SLC23A2: variants seen among roughly 807,000 people sequenced by gnomAD.
SLC23A2 encodes the protein Na(+)/L-ascorbic acid transporter 2.
In SLC23A2, 36 loss-of-function variants were observed where a neutral mutation model predicts 73.3. The observed-to-expected ratio is 0.49, with a 90% CI of 0.38 to 0.65. The LOEUF (loss-of-function observed/expected upper bound fraction) is 0.65, where lower values mean the gene tolerates loss of function less well. SLC23A2 is among the 30% of genes least tolerant of loss of function. The probability of loss-of-function intolerance (pLI) is 0.00; values close to 1 mark genes in which losing one functional copy is unlikely to be tolerated. For missense variants in SLC23A2, 507 were observed against 841.6 expected, an observed-to-expected ratio of 0.60 and a Z score of 4.92; for synonymous variants, 343 against 327.3, an observed-to-expected ratio of 1.05 and a Z score of -0.52.
rs1327371207 is a variant in SLC23A2, at chr20:4,998,391, G to A, written c.-282+3015C>T. On this transcript the variant is annotated intron_variant, in intron 1 of 16. Coordinates refer to ENST00000338244, the MANE Select transcript of SLC23A2 (RefSeq NM_005116.6). This position sits in a 1 kb window ranked among gnomAD's most constrained non-coding sequence, Gnocchi z 4.1. ...AAGCTGAAAGCAGACCTCAATTACAGGAGAGCCAAGAACCTAGAACCTGTG... is the reference window on the plus strand; with the variant it reads ...AAGCTGAAAGCAGACCTCAATTACAAGAGAGCCAAGAACCTAGAACCTGTG... Among the ~76,000 whole-genome samples the A allele has an allele frequency of 6.6e-6, 1 of 152,160 alleles. No individual in the cohort carries two copies. Among genetic ancestry groups the A allele is most frequent in the Non-Finnish European group, 1.5e-5 (1 of 68,030 alleles).
chr20:4,895,749 T>G (rs1171418483), intron 6 of SLC23A2, among the ~76,000 whole-genome samples: 1 of 152,162 alleles, frequency 6.6e-6, no homozygotes, highest in Non-Finnish European at 1.5e-5. Context: ...GACTTTCACT[T>G]GCAATGGCCA....
In SLC23A2 at chr20:4,906,075, T is replaced by C. The variant is rs560197727; in HGVS notation, c.208-3517A>G. Among the ~76,000 whole-genome samples the C allele has an allele frequency of 3.9e-5, 6 of 152,352 alleles. No homozygotes were observed. The South Asian group carries it at 1.0e-3, about 26-fold the overall frequency. ...AGTTTTGGCCAGGCATGGTGGCTCA[T>C]GTCTATAATTCCAGCACTTTGGGAG... On this transcript the variant is annotated intron_variant, in intron 4 of 16. Coordinates refer to ENST00000338244, the MANE Select transcript of SLC23A2 (RefSeq NM_005116.6).
chr20:4,997,962 C>T (rs934745415), intron 1 of SLC23A2, among the ~76,000 whole-genome samples: 1 of 152,070 alleles, frequency 6.6e-6, no homozygotes. Context: ...TGTGAGGACT[C>T]ATCAAGAGGA....
rs149112733 is a variant in SLC23A2, at chr20:4,940,826, G to C, written c.-154-8110C>G. Among the ~76,000 whole-genome samples, 63 of 152,294 alleles carry C rather than the reference G, an allele frequency of 4.1e-4. No homozygotes were observed. The East Asian group carries it at 0.011, about 28-fold the overall frequency. On this transcript the variant is annotated intron_variant, in intron 2 of 16. Transcript: ENST00000338244. Reference sequence around the variant, plus strand: ...AGGATGGTGGATTCCAGGGACTTGGGGGGGCGGTCAATGGAGAACTGACTT... The same window carrying C: ...AGGATGGTGGATTCCAGGGACTTGGCGGGGCGGTCAATGGAGAACTGACTT...
intron 1 of SLC23A2, among the ~76,000 whole-genome samples, chr20:4,997,774 C>T (rs1170812849): frequency 1.3e-5 from 2 of 151,576 alleles, no homozygotes; most frequent in Non-Finnish European, 2.9e-5. Context: ...ACAGGCACTA[C>T]TACCACGTCC....
At chr20:4,993,239 G>GCGCCAC in intron 1 of SLC23A2, among the ~76,000 whole-genome samples, 1 of 149,678 alleles carries the variant, frequency 6.7e-6, no homozygotes, top group East Asian at 2.0e-4. Flanking sequence ...AGCTGAGATC[G>GCGCCAC]TGCCACTGCA....
At position 4,945,627 on chromosome 20, in the gene SLC23A2, C is replaced by T. The variant is rs62200392; in HGVS notation, c.-154-12911G>A. On this transcript the variant is annotated intron_variant, in intron 2 of 16. Coordinates refer to ENST00000338244, the MANE Select transcript of SLC23A2 (RefSeq NM_005116.6). ...CGCAAGTCAGTACCTACTAGTAGGTCATGAAATTAAATTAGTGGATCTTGA... is the reference window on the plus strand; with the variant it reads ...CGCAAGTCAGTACCTACTAGTAGGTTATGAAATTAAATTAGTGGATCTTGA... Among the ~76,000 whole-genome samples, 6 of 152,242 alleles carry T rather than the reference C, an allele frequency of 3.9e-5. No homozygotes were observed. In the South Asian group the frequency reaches 1.2e-3, roughly 32 times the overall value.
intron 1 of SLC23A2, among the ~76,000 whole-genome samples, chr20:4,984,314 G>T (rs1253509357): frequency 6.6e-6 from 1 of 151,828 alleles, no homozygotes; most frequent in East Asian, 1.9e-4. Context: ...CAGCACTTTG[G>T]GAGGCCGAGG....
chr20:4,899,512 CTT>C lies in SLC23A2; in HGVS notation c.482+41_482+42del, dbSNP rs760912857. The C allele has an allele frequency of 6.2e-7, 1 of 1,601,606 alleles. No homozygotes were observed. Among genetic ancestry groups the C allele is most frequent in the East Asian group, 2.2e-5 (1 of 44,738 alleles). ...GCTCAATGCCTTCTGCGCTCAATGC[CTT>C]CTGGGGGCTTTGGCATCCCCCATTA... is the stretch of plus-strand genomic sequence containing the variant. On this transcript the variant is annotated intron_variant, in intron 6 of 16. Transcript: ENST00000338244. This position sits in a 1 kb window ranked among gnomAD's most constrained non-coding sequence, Gnocchi z 4.9.
At chr20:4,869,123 A>G (rs1258188035) in intron 12 of SLC23A2, 1 of 152,040 alleles carries the variant, frequency 6.6e-6, no homozygotes, top group African/African-American at 2.4e-5. Context: ...AAAACAGGTA[A>G]TTTTTGCAAT....
intron 6 of SLC23A2, among the ~76,000 whole-genome samples, chr20:4,893,395 C>CA (rs947468537): frequency 9.9e-5 from 15 of 152,160 alleles, no homozygotes; most frequent in African/African-American, 3.4e-4. Flanking sequence ...GCTCAAAAAT[C>CA]AAAAAAATTA....
In SLC23A2 at chr20:4,899,683, G is replaced by A. The variant is rs767276768; in HGVS notation, c.354C>T (p.Ile118=). The change falls in exon 6 of 17, where the codon ATC becomes ATT. Residue 118 remains isoleucine (I), a synonymous_variant. Transcript: ENST00000338244. This position sits in a 1 kb window ranked among gnomAD's most constrained non-coding sequence, Gnocchi z 4.9. The part of the protein sequence containing the change: ...QHYLTCFSGT[I]AVPFLLADAM... The stretch of plus-strand genomic sequence containing the variant: ...CATCGGCCAACAGGAAGGGCACTGC[G>A]ATCGTGCCGCTGAAGCATGTCAGGT... 1.1e-5 allele frequency: 17 copies of A among 1,614,026 alleles called. No individual in the cohort carries two copies. Among genetic ancestry groups the A allele is most frequent in the African/African-American group, 2.7e-5 (2 of 74,922 alleles).
chr20:4,905,073 C>T (rs1452478930), intron 4 of SLC23A2, among the ~76,000 whole-genome samples: 1 of 146,420 alleles, frequency 6.8e-6, no homozygotes, highest in Non-Finnish European at 1.5e-5. Flanking sequence ...AAGATCACAC[C>T]ACTGCACTCT....
At chr20:4,971,220 A>C (rs144041485) in intron 1 of SLC23A2, among the ~76,000 whole-genome samples, 5 of 151,994 alleles carry the variant, frequency 3.3e-5, no homozygotes, top group South Asian at 4.2e-4. Context: ...TAACCCCAGC[A>C]CTTTGGTAGG....
rs1342410379 is a variant in SLC23A2, at chr20:4,862,284, G to A, written c.1487-199C>T. Among the ~76,000 whole-genome samples, 4 of 152,218 alleles carry A rather than the reference G, an allele frequency of 2.6e-5. No individual in the cohort carries two copies. The highest frequency in any genetic ancestry group is 7.2e-5 in the African/African-American group (3 of 41,454). On this transcript the variant is annotated intron_variant, in intron 14 of 16. Coordinates refer to ENST00000338244, the MANE Select transcript of SLC23A2 (RefSeq NM_005116.6). The surrounding 1 kb of genome is among the most constrained non-coding windows in gnomAD (Gnocchi z 5.1). ...GAGCCAAATGACCCTCGGCGTACGC[G>A]CTATTTGGGCTCCTACGGGAGCATA...
intron 3 of SLC23A2, among the ~76,000 whole-genome samples, chr20:4,927,326 G>GA (rs1239888852): frequency 1.1e-4 from 16 of 152,228 alleles, no homozygotes; most frequent in African/African-American, 2.4e-5. Context: ...AGGCCAGAAT[G>GA]AAACAAGGCA....
At chr20:4,906,938 G>C (rs930664258) in intron 4 of SLC23A2, among the ~76,000 whole-genome samples, 1 of 152,202 alleles carries the variant, frequency 6.6e-6, no homozygotes, top group African/African-American at 2.4e-5. Context: ...GAAGAGGTGG[G>C]CTGGCTGACC....
Position 4,913,110 on chromosome 20 carries a change from G to A in SLC23A2, c.109-132C>T, listed in dbSNP as rs765990964. The A allele has an allele frequency of 1.0e-4, 66 of 647,372 alleles. No homozygotes were observed. The East Asian group carries it at 1.4e-3, about 14-fold the overall frequency. The allele number at this position is 647,372 out of a possible 1,614,324, so 40.1% of individuals were successfully genotyped here. On this transcript the variant is annotated intron_variant, in intron 3 of 16. Coordinates refer to ENST00000338244, the MANE Select transcript of SLC23A2 (RefSeq NM_005116.6). ...GATGGAGAAACATACTCCATGTACC[G>A]TATGGGGAGGCTGCCTTAGCAGAAG...
Position 4,863,024 on chromosome 20 carries a change from TC to T in SLC23A2, c.1357-118del, listed in dbSNP as rs1930041313. The T allele has an allele frequency of 2.1e-6, 2 of 974,582 alleles. No individual in the cohort carries two copies. Among genetic ancestry groups the T allele is most frequent in the African/African-American group, 1.6e-5 (1 of 61,048 alleles). 60.4% of individuals were successfully genotyped at this position (974,582 alleles called of 1,614,324 possible). A position where few individuals can be genotyped will look rare whatever the true frequency, so the allele number is the denominator to read the frequency against. The stretch of plus-strand genomic sequence containing the variant: ...GGCCTGGCTCGCTACCTTCACCTCC[TC>T]CTCAGCCCACTCTTCTCACCTCCAC... On this transcript the variant is annotated intron_variant, in intron 13 of 16. Coordinates refer to ENST00000338244, the MANE Select transcript of SLC23A2 (RefSeq NM_005116.6). This position sits in a 1 kb window ranked among gnomAD's most constrained non-coding sequence, Gnocchi z 4.8.
Sources: gnomAD v4.1 joint callset for allele counts (sites outside exome capture counted in the v4.1 genomes callset) on GRCh38, gnomAD v4.1.1 for gene constraint, Gnocchi (gnomAD v3.1) non-coding constraint, MANE v1.5 for transcripts, NCBI Gene and HGNC (gene_info 2026-07-23, HGNC 2026-07-21) for gene names.